The following TPO variants were observed in gnomAD, a reference collection of about 807,000 sequenced individuals.
The protein encoded by TPO is thyroid microsomal antigen.
A neutral mutation model predicts 96.9 loss-of-function variants in TPO; 78 were observed. That is an observed-to-expected ratio of 0.81 (90% CI 0.67 to 0.97). The LOEUF is 0.97. Among genes scored for constraint, TPO ranks in the 50% least tolerant of loss-of-function variants. The probability of loss-of-function intolerance (pLI) is 0.00; values close to 1 mark genes in which losing one functional copy is unlikely to be tolerated. For missense variants in TPO, 1,252 were observed against 1,274.8 expected (o/e 0.98, Z 0.27); for synonymous variants, 547 against 538.0 (o/e 1.02, Z -0.23).
intron 7 of TPO, among the ~76,000 whole-genome samples, chr2:1,459,378 C>T (rs1310523641): frequency 6.6e-6 from 1 of 152,114 alleles, no homozygotes; most frequent in Non-Finnish European, 1.5e-5. Context: ...TCTCGAACTC[C>T]TGACCTTGGG....
intron 8 of TPO, among the ~76,000 whole-genome samples, chr2:1,478,682 G>T (rs555196757): frequency 6.6e-6 from 1 of 152,250 alleles, no homozygotes; most frequent in East Asian, 1.9e-4. Context: ...CGGCAAGCAC[G>T]GCAGACGGGC....
chr2:1,456,307 G>T (rs1667782838), intron 7 of TPO, 25 bp downstream of exon 7: 2 of 1,610,810 alleles, frequency 1.2e-6, no homozygotes, highest in East Asian at 4.5e-5. Context: ...ACGTTTCTAT[G>T]TTTGTTATGA....
intron 15 of TPO, among the ~76,000 whole-genome samples, chr2:1,528,490 C>T (rs1390468384): frequency 6.9e-6 from 1 of 145,376 alleles, no homozygotes; most frequent in Non-Finnish European, 1.5e-5. Flanking sequence ...CTCCTCAAAT[C>T]CCCCCTTCTG....
intron 16 of TPO, chr2:1,541,206 C>T (rs1558449122): frequency 1.3e-5 from 15 of 1,167,400 alleles, no homozygotes; most frequent in Non-Finnish European, 1.5e-5. Context: ...CTGAGAGAAG[C>T]AGAGAGCAGA....
Position 1,494,001 on chromosome 2 carries a change from C to T in TPO, c.1968C>T (p.Leu656=). The change falls in exon 11 of 17, where the codon CTC becomes CTT. Residue 656 remains leucine (L), a synonymous_variant. Coordinates refer to ENST00000329066, the MANE Select transcript of TPO (RefSeq NM_001206744.2). The part of the protein sequence containing the change: ...RARTGPLFAC[L]IGKQMKALRD... ...GGACAGGGCCCCTGTTTGCCTGTCT[C>T]ATTGGGAAGCAGATGAAGGCTCTGC... 1.1e-5 allele frequency: 17 copies of T among 1,614,164 alleles called. No homozygotes were observed. Among genetic ancestry groups the T allele is most frequent in the Non-Finnish European group, 1.4e-5 (17 of 1,180,038 alleles).
At chr2:1,479,209 C>T (rs1408479070) in intron 8 of TPO, among the ~76,000 whole-genome samples, 1 of 152,198 alleles carries the variant, frequency 6.6e-6, no homozygotes, top group Non-Finnish European at 1.5e-5. Context: ...GAGGCAGGTC[C>T]CAGACGGCTG....
At chr2:1,447,424 G>A (rs1309029133) in intron 5 of TPO, among the ~76,000 whole-genome samples, 3 of 152,162 alleles carry the variant, frequency 2.0e-5, no homozygotes, top group Non-Finnish European at 4.4e-5. Flanking sequence ...CTGAACCAGT[G>A]TACATCTTAC....
chr2:1,533,123 T>TCG (rs1678712189), intron 15 of TPO, among the ~76,000 whole-genome samples: 1 of 106,716 alleles, frequency 9.4e-6, no homozygotes, highest in African/African-American at 4.1e-5. Context: ...CCTCCCCAAA[T>TCG]CCCCCACTGT....
rs781632938 is a variant in TPO at position 1,487,784 on chromosome 2, C to T, written c.1598-37C>T. 4.2e-5 allele frequency: 68 copies of T among 1,613,918 alleles called. No homozygotes were observed. In the Middle Eastern group the frequency reaches 9.9e-4, roughly 23 times the overall value. ...TATTGTTGTTTCTCTAGAACTGAGC[C>T]AAGAGCTGTCCTTGCCTTGTGCATG... On this transcript the variant is annotated intron_variant, in intron 9 of 16. Coordinates refer to ENST00000329066, the MANE Select transcript of TPO (RefSeq NM_001206744.2).
At chr2:1,400,568 C>CAAAA (rs34242408) in intron 1 of TPO, among the ~76,000 whole-genome samples, 94 of 71,368 alleles carry the variant, frequency 1.3e-3, no homozygotes, top group East Asian at 3.8e-3. Flanking sequence ...GACTCTGTCT[C>CAAAA]AAAAAAAAAA....
At chr2:1,384,475 T>G (rs1287814636) in intron 1 of TPO, among the ~76,000 whole-genome samples, 1 of 152,222 alleles carries the variant, frequency 6.6e-6, no homozygotes, top group African/African-American at 2.4e-5. Context: ...TTGAAGCAAT[T>G]GTGAATGGGA....
chr2:1,483,721 T>C (rs1670856399), intron 8 of TPO, among the ~76,000 whole-genome samples: 2 of 152,164 alleles, frequency 1.3e-5, no homozygotes, highest in African/African-American at 4.8e-5. Flanking sequence ...TTCCTCCTTG[T>C]CTGTCCAGGT....
intron 1 of TPO, among the ~76,000 whole-genome samples, chr2:1,407,797 T>C (rs1662269242): frequency 6.6e-6 from 1 of 152,230 alleles, no homozygotes; most frequent in African/African-American, 2.4e-5. Context: ...CTTTTTGGCT[T>C]ACATCAAGGA....
At chr2:1,534,703 A>AGTGTGCAACCTCCTCAATTCCCTCTAGT (rs1558433763) in intron 15 of TPO, among the ~76,000 whole-genome samples, 5 of 120,000 alleles carry the variant, frequency 4.2e-5, no homozygotes, top group African/African-American at 1.6e-4. Context: ...TCCCCCACAC[A>AGTGTGCAACCTCCTCAATTCCCTCTAGT]GTGTGCAACC....
chr2:1,516,941 C>T lies in TPO; in HGVS notation c.2577C>T (p.Ile859=), dbSNP rs760976450. The T allele has an allele frequency of 5.8e-5, 93 of 1,613,878 alleles. No individual in the cohort carries two copies. The highest frequency in any genetic ancestry group is 8.8e-5 in the South Asian group (8 of 91,092). The change falls in exon 15 of 17, where the codon ATC becomes ATT. Residue 859 remains isoleucine (I), a synonymous_variant. Transcript: ENST00000329066. The part of the protein sequence containing the change: ...WISMSLAALL[I]GGFAGLTSTV... ...CCATGTCGCTGGCTGCTCTGCTGATCGGAGGCTTCGCAGGTCTCACCTCGA... is the reference window on the plus strand; with the variant it reads ...CCATGTCGCTGGCTGCTCTGCTGATTGGAGGCTTCGCAGGTCTCACCTCGA...
upstream of TPO, among the ~76,000 whole-genome samples, chr2:1,408,480 G>A (rs114121616): frequency 6.4e-3 from 972 of 152,302 alleles, 11 homozygotes; most frequent in African/African-American, 0.021. Context: ...GGTTCAGTGA[G>A]CTTAGCTGCC....
At chr2:1,386,636 G>T (rs933598915) in intron 1 of TPO, among the ~76,000 whole-genome samples, 13 of 152,122 alleles carry the variant, frequency 8.5e-5, no homozygotes, top group Non-Finnish European at 1.5e-4. Context: ...CCTGAATACA[G>T]CACACTGATG....
intron 15 of TPO, among the ~76,000 whole-genome samples, chr2:1,531,238 ACCG>A (rs1345886229): frequency 7.3e-5 from 9 of 122,984 alleles, no homozygotes; most frequent in Non-Finnish European, 1.2e-4. Flanking sequence ...ACTGTGTGCA[ACCG>A]CCTCATATTC....
intron 5 of TPO, among the ~76,000 whole-genome samples, chr2:1,447,426 A>G (rs1666927884): frequency 1.3e-5 from 2 of 152,198 alleles, no homozygotes; most frequent in African/African-American, 4.8e-5. Context: ...GAACCAGTGT[A>G]CATCTTACAT....
Sources: allele counts gnomAD v4.1 joint callset (sites outside exome capture counted in the v4.1 genomes callset), GRCh38; gene constraint gnomAD v4.1.1; transcripts MANE v1.5; gene names NCBI Gene and HGNC (gene_info 2026-07-23, HGNC 2026-07-21).